MTCL2: variants seen among roughly 807,000 people sequenced by gnomAD.
The protein encoded by MTCL2 is microtubule crosslinking factor 2, also known as microtubule cross-linking factor 2.
the MTCL2 span, chr20:36,777,718 C>T: frequency 9.4e-6 from 5 of 531,638 alleles, no homozygotes; most frequent in Non-Finnish European, 1.7e-5. Context: ...GGGGGTCCCC[C>T]AGGGCCCATG....
chr20:36,810,794 A>G, the MTCL2 span, among the ~76,000 whole-genome samples: 1 of 138,632 alleles, frequency 7.2e-6, no homozygotes, highest in African/African-American at 2.7e-5. Context: ...ATCTTGGCTC[A>G]CTGCAACCTC....
chr20:36,859,700 C>T, the MTCL2 span: 1 of 1,231,758 alleles, frequency 8.1e-7, no homozygotes, highest in Non-Finnish European at 1.0e-6. Context: ...TTGACAGTTC[C>T]CAGTGACCCC....
At chr20:36,784,661 C>T in the MTCL2 span, 8 of 985,462 alleles carry the variant, frequency 8.1e-6, no homozygotes, top group Admixed American at 6.1e-5. Context: ...CCATGGGAGG[C>T]GCTGCCCCAC....
At chr20:36,810,725 T>TCC in the MTCL2 span, among the ~76,000 whole-genome samples, 1 of 141,446 alleles carries the variant, frequency 7.1e-6, no homozygotes, top group East Asian at 2.1e-4. Flanking sequence ...TCCCTCTCTC[T>TCC]CTCTCTCTCT....
the MTCL2 span, among the ~76,000 whole-genome samples, chr20:36,843,056 C>T: frequency 3.9e-5 from 6 of 152,156 alleles, no homozygotes; most frequent in African/African-American, 1.4e-4. Flanking sequence ...AGGGAGTGTC[C>T]ACTCTGCTCC....
chr20:36,794,880 C>T, the MTCL2 span: 2 of 483,270 alleles, frequency 4.1e-6, no homozygotes, highest in Non-Finnish European at 7.5e-6. This position sits in a 1 kb window ranked among gnomAD's most constrained non-coding sequence, Gnocchi z 5.4. Context: ...GTGATCCTCC[C>T]ATTTCAGCCT....
chr20:36,803,915 C>T, the MTCL2 span, among the ~76,000 whole-genome samples: 2 of 141,180 alleles, frequency 1.4e-5, no homozygotes, highest in African/African-American at 5.4e-5. Context: ...CAAGATTGCA[C>T]CACTGCACTC....
the MTCL2 span, among the ~76,000 whole-genome samples, chr20:36,825,317 G>A: frequency 1.3e-5 from 2 of 152,332 alleles, no homozygotes; most frequent in East Asian, 3.9e-4. Flanking sequence ...CCAACAAACA[G>A]TGGCACCTAT....
the MTCL2 span, chr20:36,812,720 T>C: frequency 6.2e-7 from 1 of 1,614,004 alleles, no homozygotes. Flanking sequence ...GGCATAGGAA[T>C]CATTGTCTTC....
the MTCL2 span, chr20:36,784,229 C>A: frequency 1.0e-6 from 1 of 986,240 alleles, no homozygotes; most frequent in Non-Finnish European, 1.2e-6. Context: ...CCCCTGACCT[C>A]ATGGGTGAGA....
chr20:36,844,329 G>A, the MTCL2 span, among the ~76,000 whole-genome samples: 3 of 151,770 alleles, frequency 2.0e-5, no homozygotes, highest in African/African-American at 7.3e-5. Context: ...GCTGAGGCAG[G>A]AGGATCACTT....
the MTCL2 span, among the ~76,000 whole-genome samples, chr20:36,796,278 C>G: frequency 6.6e-6 from 1 of 152,212 alleles, no homozygotes; most frequent in Non-Finnish European, 1.5e-5. Context: ...ATGGGAAGTA[C>G]TGCTCAAGGT....
chr20:36,792,809 G>C, the MTCL2 span, among the ~76,000 whole-genome samples: 1 of 151,782 alleles, frequency 6.6e-6, no homozygotes, highest in African/African-American at 2.4e-5. Context: ...CCATATCCCT[G>C]AATTTTTATT....
the MTCL2 span, chr20:36,839,206 C>T: frequency 6.3e-7 from 1 of 1,583,874 alleles, no homozygotes; most frequent in African/African-American, 1.3e-5. This position sits in a 1 kb window ranked among gnomAD's most constrained non-coding sequence, Gnocchi z 5.1. Context: ...GGCACCCGAG[C>T]CCAGGCTGAC....
At chr20:36,839,414 T>G in the MTCL2 span, 1 of 1,613,462 alleles carries the variant, frequency 6.2e-7, no homozygotes, top group Admixed American at 1.7e-5. The surrounding 1 kb of genome is among the most constrained non-coding windows in gnomAD (Gnocchi z 5.1). Flanking sequence ...ATCTCCAGCA[T>G]CTCGGCCCGC....
the MTCL2 span, among the ~76,000 whole-genome samples, chr20:36,825,849 C>T: frequency 6.6e-6 from 1 of 152,174 alleles, no homozygotes; most frequent in African/African-American, 2.4e-5. Flanking sequence ...CACCACAGGG[C>T]ACGCGAGGAG....
At chr20:36,808,798 C>T in the MTCL2 span, 3 of 1,477,424 alleles carry the variant, frequency 2.0e-6, no homozygotes, top group Non-Finnish European at 1.8e-6. Flanking sequence ...TCCCCCACCC[C>T]TTTCTGGGCC....
the MTCL2 span, among the ~76,000 whole-genome samples, chr20:36,832,878 C>A: frequency 6.6e-6 from 1 of 152,194 alleles, no homozygotes; most frequent in Non-Finnish European, 1.5e-5. Context: ...CTCCAGGCAG[C>A]CAGACTGGGA....
At chr20:36,823,534 C>T in the MTCL2 span, among the ~76,000 whole-genome samples, 21 of 152,086 alleles carry the variant, frequency 1.4e-4, no homozygotes, top group African/African-American at 5.1e-4. Flanking sequence ...AGGCTGGGTA[C>T]GATGGCTCAT....
Sources: allele counts gnomAD v4.1 joint callset (sites outside exome capture counted in the v4.1 genomes callset), GRCh38; gene constraint gnomAD v4.1.1; non-coding constraint Gnocchi (gnomAD v3.1); transcripts MANE v1.5; gene names NCBI Gene and HGNC (gene_info 2026-07-23, HGNC 2026-07-21).